RPAP3: variants seen among roughly 807,000 people sequenced by gnomAD.
The protein encoded by RPAP3 is RNA polymerase II associated protein 3.
In RPAP3, 58 loss-of-function variants were observed where a neutral mutation model predicts 88.8. That is an observed-to-expected ratio of 0.65 (90% CI 0.53 to 0.81). The LOEUF (loss-of-function observed/expected upper bound fraction) is 0.81. Among genes scored for constraint, RPAP3 ranks in the 40% least tolerant of loss-of-function variants. RPAP3 has a pLI of 0.00. For synonymous variants in RPAP3, 255 were observed against 259.9 expected (o/e 0.98, Z 0.18); for missense variants, 751 against 764.3 (o/e 0.98, Z 0.20).
At position 47,662,787 on chromosome 12, in the gene RPAP3, C is replaced by T. The variant is rs75909130; in HGVS notation, c.*718G>A. On this transcript the variant is annotated 3_prime_UTR_variant, in exon 17 of 17. Coordinates refer to ENST00000005386, the MANE Select transcript of RPAP3 (RefSeq NM_024604.3). ...TACTTTCAAAAGTTTACAAACGCTACACTCACATCCAACAAATACATATGG... is the reference window on the plus strand; with the variant it reads ...TACTTTCAAAAGTTTACAAACGCTATACTCACATCCAACAAATACATATGG... The T allele has an allele frequency of 7.6e-3, 1,159 of 152,380 alleles. 13 individuals are homozygous for T. Among genetic ancestry groups the T allele is most frequent in the African/African-American group, 0.026 (1,081 of 41,574 alleles). 9.4% of individuals were successfully genotyped at this position (152,380 alleles called of 1,614,324 possible).
At chr12:47,672,225 G>A (rs552343046) in intron 12 of RPAP3, among the ~76,000 whole-genome samples, 1 of 152,300 alleles carries the variant, frequency 6.6e-6, no homozygotes, top group African/African-American at 2.4e-5. Flanking sequence ...CCTCTGTCTA[G>A]AGGTTTGCTA....
At chr12:47,687,539 G>C (rs1048773642) in intron 8 of RPAP3, among the ~76,000 whole-genome samples, 25 of 152,066 alleles carry the variant, frequency 1.6e-4, no homozygotes, top group Non-Finnish European at 8.8e-5. Context: ...ATCAGAAACA[G>C]TCCAGTGTGA....
At chr12:47,674,115 T>C (rs1202706058) in intron 12 of RPAP3, among the ~76,000 whole-genome samples, 1 of 140,386 alleles carries the variant, frequency 7.1e-6, no homozygotes, top group African/African-American at 2.6e-5. Context: ...AGTGCCCCAG[T>C]AAGACATTTC....
At position 47,691,546 on chromosome 12, in the gene RPAP3, C is replaced by T. The variant is rs149696189; in HGVS notation, c.546-907G>A. Among the ~76,000 whole-genome samples the T allele has an allele frequency of 1.6e-3, 248 of 152,236 alleles. 1 individual carries two copies. Among genetic ancestry groups the T allele is most frequent in the African/African-American group, 5.7e-3 (236 of 41,544 alleles). ...TTGTCCAGATCCACTAGAGGAATCACGATCTATGACAGCTATAGCCTGTGA... is the reference window on the plus strand; with the variant it reads ...TTGTCCAGATCCACTAGAGGAATCATGATCTATGACAGCTATAGCCTGTGA... On this transcript the variant is annotated intron_variant, in intron 5 of 16. Coordinates refer to ENST00000005386, the MANE Select transcript of RPAP3 (RefSeq NM_024604.3).
intron 7 of RPAP3, among the ~76,000 whole-genome samples, 165 bp from the exon 8 acceptor site, chr12:47,688,166 T>C (rs1471318221): frequency 6.6e-6 from 1 of 152,184 alleles, no homozygotes; most frequent in East Asian, 1.9e-4. Flanking sequence ...CTTATTAAAG[T>C]AAAAAGTAAA....
Position 47,663,585 on chromosome 12 carries a change from G to A in RPAP3, c.1918C>T (p.Arg640Cys), listed in dbSNP as rs772250615. The A allele has an allele frequency of 2.2e-5, 34 of 1,530,690 alleles. No individual in the cohort carries two copies. In the Admixed American group the frequency reaches 4.7e-4, roughly 21 times the overall value. The allele number at this position is 1,530,690 out of a possible 1,614,324, so 94.8% of individuals were successfully genotyped here. A position where few individuals can be genotyped will look rare whatever the true frequency, so the allele number is the denominator to read the frequency against. ...TTGTCTATGTGATTAAATAATGCACGTGCAACTGAAAAAGAAAAAGAAATT... is the reference window on the plus strand; with the variant it reads ...TTGTCTATGTGATTAAATAATGCACATGCAACTGAAAAAGAAAAAGAAATT... Reference protein sequence around the residue: ...FMSETEKKIARALFNHIDKSG... With the variant: ...FMSETEKKIACALFNHIDKSG... The change falls in exon 17 of 17, where the codon CGT becomes TGT. Residue 640 changes from arginine (R) to cysteine (C), a missense_variant. Transcript: ENST00000005386.
Position 47,668,974 on chromosome 12 carries a change from A to C in RPAP3, c.1655T>G (p.Leu552Arg). 1 of 1,614,076 alleles carries C rather than the reference A, an allele frequency of 6.2e-7. No homozygotes were observed. The highest frequency in any genetic ancestry group is 8.5e-7 in the Non-Finnish European group (1 of 1,179,972). The change falls in exon 14 of 17, where the codon CTC (leucine) becomes CGC (arginine). Residue 552 changes from leucine (L) to arginine (R), a missense_variant. Physicochemically the swap from Leu to Arg is moderately radical, Grantham distance 102 (BLOSUM62 -2). Coordinates refer to ENST00000005386, the MANE Select transcript of RPAP3 (RefSeq NM_024604.3). ...LPPIPANSFQ[L>R]ESDFRQLKSS... ...TTTCAATTGTCTGAAATCAGATTCGAGCTGGAACGAGTTTGCAGGAATTGG... is the reference window on the plus strand; with the variant it reads ...TTTCAATTGTCTGAAATCAGATTCGCGCTGGAACGAGTTTGCAGGAATTGG...
chr12:47,668,190 C>T (rs1463299678), intron 14 of RPAP3, among the ~76,000 whole-genome samples: 2 of 152,016 alleles, frequency 1.3e-5, no homozygotes, highest in East Asian at 1.9e-4. Flanking sequence ...AGCAAAACTC[C>T]GTCCAAAACA....
At chr12:47,672,336 T>C (rs1413966672) in intron 12 of RPAP3, among the ~76,000 whole-genome samples, 1 of 152,232 alleles carries the variant, frequency 6.6e-6, no homozygotes, top group African/African-American at 2.4e-5. Context: ...CTTTCCGTAG[T>C]CTTCCTTTCT....
intron 12 of RPAP3, 122 bp downstream of exon 12, chr12:47,679,371 A>G (rs1939177791): frequency 5.0e-6 from 3 of 597,016 alleles, no homozygotes; most frequent in Admixed American, 3.0e-5. Context: ...CGTTGTGCAC[A>G]TGTACCCTAG....
At chr12:47,667,101 A>C (rs760425042) in intron 15 of RPAP3, 21 bp from the exon 16 acceptor site, 12 of 1,151,120 alleles carry the variant, frequency 1.0e-5, no homozygotes, top group Admixed American at 2.8e-5. Context: ...CCAAATATAG[A>C]AACAAATGAT....
rs750600983 is a variant in RPAP3 at position 47,667,871 on chromosome 12, G to A, written c.1714-20C>T. On this transcript the variant is annotated intron_variant, in intron 14 of 16. Transcript: ENST00000005386. Reference sequence around the variant, plus strand: ...AATTTGCTTGAAAAAAAAATAAAAAGACAATTACTTGATGGCAACACTTAC... The same window carrying A: ...AATTTGCTTGAAAAAAAAATAAAAAAACAATTACTTGATGGCAACACTTAC... The A allele has an allele frequency of 6.9e-7, 1 of 1,447,688 alleles. No individual in the cohort carries two copies. The allele number at this position is 1,447,688 out of a possible 1,614,324, so 89.7% of individuals were successfully genotyped here.
At chr12:47,678,052 T>G (rs1035922376) in intron 12 of RPAP3, among the ~76,000 whole-genome samples, 1 of 152,054 alleles carries the variant, frequency 6.6e-6, no homozygotes, top group Non-Finnish European at 1.5e-5. Context: ...AAAACAGAGA[T>G]ATAGACCAAT....
intron 12 of RPAP3, among the ~76,000 whole-genome samples, chr12:47,676,761 C>T (rs1939124313): frequency 6.6e-6 from 1 of 152,152 alleles, no homozygotes; most frequent in African/African-American, 2.4e-5. Context: ...AGCCTACCAA[C>T]CAAAACAAGT....
chr12:47,705,133 G>A (rs1939759728), intron 1 of RPAP3, among the ~76,000 whole-genome samples: 2 of 152,192 alleles, frequency 1.3e-5, no homozygotes, highest in Non-Finnish European at 2.9e-5. Context: ...AAAAGGATGA[G>A]TGATGGGGCA....
intron 5 of RPAP3, among the ~76,000 whole-genome samples, chr12:47,691,846 C>T (rs1418829896): frequency 3.3e-5 from 5 of 151,778 alleles, no homozygotes; most frequent in African/African-American, 4.8e-5. Flanking sequence ...CCCGGGTTCA[C>T]GCCATTCTCC....
intron 1 of RPAP3, among the ~76,000 whole-genome samples, chr12:47,704,134 T>C (rs1939717947): frequency 6.6e-6 from 1 of 152,190 alleles, no homozygotes; most frequent in Non-Finnish European, 1.5e-5. Flanking sequence ...GATGTGGCCA[T>C]GTTTAACCAT....
At chr12:47,681,532 G>T (rs115886963) in intron 10 of RPAP3, among the ~76,000 whole-genome samples, 164 bp downstream of exon 10, 2 of 152,176 alleles carry the variant, frequency 1.3e-5, no homozygotes, top group African/African-American at 4.8e-5. Context: ...GGTACATTGC[G>T]GAAGCTGCAT....
Position 47,663,468 on chromosome 12 carries a change from T to C in RPAP3, c.*37A>G. 4 of 1,373,136 alleles carry C rather than the reference T, an allele frequency of 2.9e-6. No homozygotes were observed. Among genetic ancestry groups the C allele is most frequent in the South Asian group, 1.3e-5 (1 of 79,618 alleles). The allele number at this position is 1,373,136 out of a possible 1,614,324, so 85.1% of individuals were successfully genotyped here. A position where few individuals can be genotyped will look rare whatever the true frequency, so the allele number is the denominator to read the frequency against. On this transcript the variant is annotated 3_prime_UTR_variant, in exon 17 of 17. Coordinates refer to ENST00000005386, the MANE Select transcript of RPAP3 (RefSeq NM_024604.3). ...ACTTTCAGTAGAAAAAATTTACATATGAAAGTCAAAAACAATTATTTCAGC... is the reference window on the plus strand; with the variant it reads ...ACTTTCAGTAGAAAAAATTTACATACGAAAGTCAAAAACAATTATTTCAGC...
Sources: gnomAD v4.1 joint callset for allele counts (sites outside exome capture counted in the v4.1 genomes callset) on GRCh38, gnomAD v4.1.1 for gene constraint, MANE v1.5 for transcripts, NCBI Gene and HGNC (gene_info 2026-07-23, HGNC 2026-07-21) for gene names.